ACTRT2: variants seen among roughly 807,000 people sequenced by gnomAD.
The protein encoded by ACTRT2 is actin related protein T2, also known as actin-related protein T2.
ACTRT2 carries 1 observed loss-of-function variant against 1.2 expected under a neutral mutation model. The observed-to-expected ratio is 0.80, with a 90% CI of 0.29 to 3.81. The LOEUF (loss-of-function observed/expected upper bound fraction) is 3.81. Among genes scored for constraint, ACTRT2 ranks in the 30% most tolerant of loss-of-function variants. ACTRT2 has a pLI of 0.18. For synonymous variants in ACTRT2, 262 were observed against 228.9 expected (o/e 1.14, Z -1.30); for missense variants, 488 against 497.9 (o/e 0.98, Z 0.19).
rs746113105 is a variant in ACTRT2, at chr1:3,021,669, G to A, written c.-18G>A. On this transcript the variant is annotated 5_prime_UTR_variant, in exon 1 of 1. Transcript: ENST00000378404. ...CTGGTCTTTATTTTGATGAGGCTGA[G>A]AAGGGAAGGCTGCGGGCATGTTTAA... 2 of 1,598,130 alleles carry A rather than the reference G, an allele frequency of 1.3e-6. No homozygotes were observed. The highest frequency in any genetic ancestry group is 1.1e-5 in the South Asian group (1 of 88,988).
rs1411922269 is a variant in ACTRT2 at position 3,022,485 on chromosome 1, C to T, written c.799C>T (p.Gln267Ter). ...HQAPEALFVP[Q>*]QLGSQSPGLS... ...GGCGCCCGAGGCCCTGTTCGTGCCC[C>T]AGCAGCTGGGCAGCCAGAGCCCCGG... is the stretch of plus-strand genomic sequence containing the variant. Residue 267 changes from glutamine to a stop codon, truncating the protein, a stop_gained, in exon 1 of 1, where the codon CAG (glutamine) becomes TAG (stop). Coordinates refer to ENST00000378404, the MANE Select transcript of ACTRT2 (RefSeq NM_080431.5). LOFTEE classifies it low-confidence loss of function (END_TRUNC). The surrounding 1 kb of genome is among the most constrained non-coding windows in gnomAD (Gnocchi z 7.7). 6.2e-7 allele frequency: 1 copy of T among 1,612,938 alleles called. No individual in the cohort carries two copies. The highest frequency in any genetic ancestry group is 1.7e-5 in the Admixed American group (1 of 60,030).
Position 3,022,145 on chromosome 1 carries a change from G to A in ACTRT2, c.459G>A (p.Thr153=), listed in dbSNP as rs773702915. 1.4e-5 allele frequency: 22 copies of A among 1,613,072 alleles called. No individual in the cohort carries two copies. Among genetic ancestry groups the A allele is most frequent in the Admixed American group, 1.7e-5 (1 of 60,006 alleles). The change falls in exon 1 of 1, where the codon ACG becomes ACA. Residue 153 remains threonine, a synonymous_variant. Transcript: ENST00000378404. The surrounding 1 kb of genome is among the most constrained non-coding windows in gnomAD (Gnocchi z 7.7). The part of the protein sequence containing the change: ...VLALYASACV[T]GLVVDSGDAV... ...CTCTCTACGCCTCTGCCTGTGTCACGGGCCTGGTGGTGGACAGCGGGGATG... is the reference window on the plus strand; with the variant it reads ...CTCTCTACGCCTCTGCCTGTGTCACAGGCCTGGTGGTGGACAGCGGGGATG...
Position 3,021,873 on chromosome 1 carries a change from C to T in ACTRT2, c.187C>T (p.Leu63=). The T allele has an allele frequency of 1.2e-6, 2 of 1,613,342 alleles. No homozygotes were observed. The highest frequency in any genetic ancestry group is 1.7e-6 in the Non-Finnish European group (2 of 1,179,988). ...QKKYFVGEEA[L]YKQEALQLHS... ...GAAGTACTTTGTGGGGGAGGAGGCCCTGTACAAGCAGGAGGCCCTGCAGCT... is the reference window on the plus strand; with the variant it reads ...GAAGTACTTTGTGGGGGAGGAGGCCTTGTACAAGCAGGAGGCCCTGCAGCT... The change falls in exon 1 of 1, where the codon CTG becomes TTG. Residue 63 remains leucine (L), a synonymous_variant. Coordinates refer to ENST00000378404, the MANE Select transcript of ACTRT2 (RefSeq NM_080431.5).
chr1:3,022,508 C>G lies in ACTRT2; in HGVS notation c.822C>G (p.Pro274=). ...FVPQQLGSQS[P]GLSNMVSSSI... ...CCCAGCAGCTGGGCAGCCAGAGCCC[C>G]GGGCTCTCGAATATGGTCTCCAGCA... Residue 274 remains proline (P), a synonymous_variant, in exon 1 of 1, where the codon CCC becomes CCG. Transcript: ENST00000378404. The surrounding 1 kb of genome is among the most constrained non-coding windows in gnomAD (Gnocchi z 7.7). The G allele has an allele frequency of 1.2e-6, 2 of 1,612,890 alleles. No homozygotes were observed. The highest frequency in any genetic ancestry group is 1.1e-5 in the South Asian group (1 of 91,076).
In ACTRT2 at chr1:3,021,528, C is replaced by A; in HGVS notation, c.-159C>A. On this transcript the variant is annotated 5_prime_UTR_variant, in exon 1 of 1. It adds an upstream start codon to the 5' untranslated region. Coordinates refer to ENST00000378404, the MANE Select transcript of ACTRT2 (RefSeq NM_080431.5). ...CAGGCCACCTGGAGGGAGAGCAGAC[C>A]TGCGGCTGAGGATGCAGGGCTCCCG... is the stretch of plus-strand genomic sequence containing the variant. 2 of 1,029,928 alleles carry A rather than the reference C, an allele frequency of 1.9e-6. No individual in the cohort carries two copies. Among genetic ancestry groups the A allele is most frequent in the Non-Finnish European group, 2.8e-6 (2 of 717,228 alleles). The allele number at this position is 1,029,928 out of a possible 1,614,324, so 63.8% of individuals were successfully genotyped here.
Position 3,022,451 on chromosome 1 carries a change from G to A in ACTRT2, c.765G>A (p.Pro255=), listed in dbSNP as rs145991951. ...GGAACATCATCAGCCTCGGGGACCC[G>A]CTGCACCAGGCGCCCGAGGCCCTGT... ...PDGNIISLGD[P]LHQAPEALFV... Residue 255 remains proline (P), a synonymous_variant, in exon 1 of 1, where the codon CCG becomes CCA. Transcript: ENST00000378404. The surrounding 1 kb of genome is among the most constrained non-coding windows in gnomAD (Gnocchi z 7.7). 3.1e-5 allele frequency: 50 copies of A among 1,612,698 alleles called. No individual in the cohort carries two copies. The highest frequency in any genetic ancestry group is 3.3e-4 in the Middle Eastern group (2 of 6,078).
rs201852006 is a variant in ACTRT2 at position 3,021,712 on chromosome 1, C to A, written c.26C>A (p.Ser9Tyr). The A allele has an allele frequency of 6.2e-7, 1 of 1,613,768 alleles. No individual in the cohort carries two copies. Among genetic ancestry groups the A allele is most frequent in the East Asian group, 2.2e-5 (1 of 44,874 alleles). The change falls in exon 1 of 1, where the codon TCC (serine) becomes TAC (tyrosine). Residue 9 changes from serine (S) to tyrosine (Y), a missense_variant. Coordinates refer to ENST00000378404, the MANE Select transcript of ACTRT2 (RefSeq NM_080431.5). MFNPHALDSPAVIFDNGSG... is the reference protein window; with the variant it reads MFNPHALDYPAVIFDNGSG... The stretch of plus-strand genomic sequence containing the variant: ...ATGTTTAATCCGCACGCTTTAGACT[C>A]CCCGGCTGTGATTTTTGACAATGGC...
chr1:3,022,842 C>A lies in ACTRT2; in HGVS notation c.*22C>A. ...CTGAAGGCCGCTTCTCGTTGGGTAC[C>A]GTGGGGGGTGAACCCTAGCCCCAGC... On this transcript the variant is annotated 3_prime_UTR_variant, in exon 1 of 1. Coordinates refer to ENST00000378404, the MANE Select transcript of ACTRT2 (RefSeq NM_080431.5). The surrounding 1 kb of genome is among the most constrained non-coding windows in gnomAD (Gnocchi z 7.7). The A allele has an allele frequency of 6.3e-7, 1 of 1,589,034 alleles. No homozygotes were observed. Among genetic ancestry groups the A allele is most frequent in the African/African-American group, 1.3e-5 (1 of 74,322 alleles).
In ACTRT2 at chr1:3,022,097, C is replaced by T. The variant is rs1253877407; in HGVS notation, c.411C>T (p.Tyr137=). Residue 137 remains tyrosine, a synonymous_variant, in exon 1 of 1, where the codon TAC becomes TAT. Coordinates refer to ENST00000378404, the MANE Select transcript of ACTRT2 (RefSeq NM_080431.5). This position sits in a 1 kb window ranked among gnomAD's most constrained non-coding sequence, Gnocchi z 7.7. ...AGAACTTCGGCGTGCCCGCTTTCTACCTGTCGGACCAGGCGGTGCTGGCTC... is the reference window on the plus strand; with the variant it reads ...AGAACTTCGGCGTGCCCGCTTTCTATCTGTCGGACCAGGCGGTGCTGGCTC... ...MFENFGVPAF[Y]LSDQAVLALY... 1 of 1,613,430 alleles carries T rather than the reference C, an allele frequency of 6.2e-7. No individual in the cohort carries two copies. Among genetic ancestry groups the T allele is most frequent in the East Asian group, 2.2e-5 (1 of 44,874 alleles).
chr1:3,022,768 C>T lies in ACTRT2; in HGVS notation c.1082C>T (p.Ala361Val), dbSNP rs774253232. The change falls in exon 1 of 1, where the codon GCC becomes GTC. Residue 361 changes from alanine to valine, a missense_variant. Coordinates refer to ENST00000378404, the MANE Select transcript of ACTRT2 (RefSeq NM_080431.5). This position sits in a 1 kb window ranked among gnomAD's most constrained non-coding sequence, Gnocchi z 7.7. ...AGCTTCAAGCAGATGTGGGTCACCG[C>T]CGCAGACTTCAAGGAGTTTGGGACC... Reference protein sequence around the residue: ...LSSFKQMWVTAADFKEFGTSV... With the variant: ...LSSFKQMWVTVADFKEFGTSV... 6.2e-7 allele frequency: 1 copy of T among 1,613,862 alleles called. No homozygotes were observed. The highest frequency in any genetic ancestry group is 8.5e-7 in the Non-Finnish European group (1 of 1,179,986).
Position 3,022,691 on chromosome 1 carries a change from C to T in ACTRT2, c.1005C>T (p.Pro335=), listed in dbSNP as rs145557114. The T allele has an allele frequency of 4.6e-5, 74 of 1,613,324 alleles. No individual in the cohort carries two copies. Among genetic ancestry groups the T allele is most frequent in the African/African-American group, 6.7e-5 (5 of 74,910 alleles). ...KDTPIKITAP[P]DRWFSTWIGA... The stretch of plus-strand genomic sequence containing the variant: ...CCCCCATCAAGATCACGGCTCCCCC[C>T]GACCGGTGGTTCTCCACCTGGATTG... The change falls in exon 1 of 1, where the codon CCC becomes CCT. Residue 335 remains proline (P), a synonymous_variant. Transcript: ENST00000378404. This position sits in a 1 kb window ranked among gnomAD's most constrained non-coding sequence, Gnocchi z 7.7.
Position 3,022,456 on chromosome 1 carries a change from A to T in ACTRT2, c.770A>T (p.His257Leu). Residue 257 changes from histidine to leucine, a missense_variant, in exon 1 of 1, where the codon CAC becomes CTC. Coordinates refer to ENST00000378404, the MANE Select transcript of ACTRT2 (RefSeq NM_080431.5). This position sits in a 1 kb window ranked among gnomAD's most constrained non-coding sequence, Gnocchi z 7.7. ...ATCATCAGCCTCGGGGACCCGCTGC[A>T]CCAGGCGCCCGAGGCCCTGTTCGTG... ...GNIISLGDPL[H>L]QAPEALFVPQ... The T allele has an allele frequency of 6.2e-7, 1 of 1,612,796 alleles. No individual in the cohort carries two copies. The highest frequency in any genetic ancestry group is 8.5e-7 in the Non-Finnish European group (1 of 1,179,980).
In ACTRT2 at chr1:3,022,811, A is replaced by G; in HGVS notation, c.1125A>G (p.Arg375=). 1 of 1,605,762 alleles carries G rather than the reference A, an allele frequency of 6.2e-7. No homozygotes were observed. The change falls in exon 1 of 1, where the codon AGA becomes AGG. Residue 375 remains arginine, a synonymous_variant. Transcript: ENST00000378404. This position sits in a 1 kb window ranked among gnomAD's most constrained non-coding sequence, Gnocchi z 7.7. ...TTGGGACCTCCGTGGTGCAGAGAAG[A>G]TGCTTCTGAAGGCCGCTTCTCGTTG... The part of the protein sequence containing the change: ...KEFGTSVVQR[R]CF
In ACTRT2 at chr1:3,022,096, A is replaced by G; in HGVS notation, c.410A>G (p.Tyr137Cys). 6.2e-7 allele frequency: 1 copy of G among 1,613,352 alleles called. No individual in the cohort carries two copies. The highest frequency in any genetic ancestry group is 8.5e-7 in the Non-Finnish European group (1 of 1,180,018). The stretch of plus-strand genomic sequence containing the variant: ...GAGAACTTCGGCGTGCCCGCTTTCT[A>G]CCTGTCGGACCAGGCGGTGCTGGCT... The part of the protein sequence containing the change: ...MFENFGVPAF[Y>C]LSDQAVLALY... Residue 137 changes from tyrosine (Y) to cysteine (C), a missense_variant, in exon 1 of 1, where the codon TAC (tyrosine) becomes TGC (cysteine). Transcript: ENST00000378404. The surrounding 1 kb of genome is among the most constrained non-coding windows in gnomAD (Gnocchi z 7.7).
In ACTRT2 at chr1:3,022,522, T is replaced by C. The variant is rs1045145089; in HGVS notation, c.836T>C (p.Met279Thr). ...AGCCAGAGCCCCGGGCTCTCGAATA[T>C]GGTCTCCAGCAGCATCACCAAGTGT... ...LGSQSPGLSN[M>T]VSSSITKCDT... is the part of the protein sequence containing the mutation. Residue 279 changes from methionine (M) to threonine (T), a missense_variant, in exon 1 of 1, where the codon ATG (methionine) becomes ACG (threonine). Physicochemically the swap from Met to Thr is moderately conservative, Grantham distance 81. Coordinates refer to ENST00000378404, the MANE Select transcript of ACTRT2 (RefSeq NM_080431.5). The surrounding 1 kb of genome is among the most constrained non-coding windows in gnomAD (Gnocchi z 7.7). 3.7e-6 allele frequency: 6 copies of C among 1,612,770 alleles called. No individual in the cohort carries two copies. The highest frequency in any genetic ancestry group is 4.5e-5 in the East Asian group (2 of 44,842).
At position 3,021,505 on chromosome 1, in the gene ACTRT2, G is replaced by A; in HGVS notation, c.-182G>A. The A allele has an allele frequency of 1.2e-6, 1 of 817,252 alleles. No homozygotes were observed. The highest frequency in any genetic ancestry group is 1.9e-6 in the Non-Finnish European group (1 of 536,028). The allele number at this position is 817,252 out of a possible 1,614,324, so 50.6% of individuals were successfully genotyped here. A position where few individuals can be genotyped will look rare whatever the true frequency, so the allele number is the denominator to read the frequency against. Reference sequence around the variant, plus strand: ...CCTGGAAGAGGCCTCAGCAGGCCCAGGCCACCTGGAGGGAGAGCAGACCTG... The same window carrying A: ...CCTGGAAGAGGCCTCAGCAGGCCCAAGCCACCTGGAGGGAGAGCAGACCTG... On this transcript the variant is annotated 5_prime_UTR_variant, in exon 1 of 1. Transcript: ENST00000378404.
chr1:3,022,480 T>TG lies in ACTRT2; in HGVS notation c.795dup (p.Pro266AlafsTer23). On this transcript the variant is annotated frameshift_variant, in exon 1 of 1. Coordinates refer to ENST00000378404, the MANE Select transcript of ACTRT2 (RefSeq NM_080431.5). LOFTEE classifies it low-confidence loss of function (END_TRUNC). This position sits in a 1 kb window ranked among gnomAD's most constrained non-coding sequence, Gnocchi z 7.7. ...CACCAGGCGCCCGAGGCCCTGTTCG[T>TG]GCCCCAGCAGCTGGGCAGCCAGAGC... is the stretch of plus-strand genomic sequence containing the variant. The TG allele has an allele frequency of 6.2e-7, 1 of 1,612,898 alleles. No homozygotes were observed. The highest frequency in any genetic ancestry group is 8.5e-7 in the Non-Finnish European group (1 of 1,180,024).
chr1:3,022,461 G>A lies in ACTRT2; in HGVS notation c.775G>A (p.Ala259Thr), dbSNP rs757415381. The change falls in exon 1 of 1, where the codon GCG becomes ACG. Residue 259 changes from alanine to threonine, a missense_variant. Coordinates refer to ENST00000378404, the MANE Select transcript of ACTRT2 (RefSeq NM_080431.5). This position sits in a 1 kb window ranked among gnomAD's most constrained non-coding sequence, Gnocchi z 7.7. ...CAGCCTCGGGGACCCGCTGCACCAG[G>A]CGCCCGAGGCCCTGTTCGTGCCCCA... ...IISLGDPLHQ[A>T]PEALFVPQQL... 1.2e-6 allele frequency: 2 copies of A among 1,612,848 alleles called. No homozygotes were observed. Among genetic ancestry groups the A allele is most frequent in the Admixed American group, 3.3e-5 (2 of 60,024 alleles).
In ACTRT2 at chr1:3,022,315, A is replaced by G. The variant is rs757917073; in HGVS notation, c.629A>G (p.Lys210Arg). 1.2e-5 allele frequency: 20 copies of G among 1,612,786 alleles called. No individual in the cohort carries two copies. Among genetic ancestry groups the G allele is most frequent in the Non-Finnish European group, 1.5e-5 (18 of 1,179,992 alleles). The change falls in exon 1 of 1, where the codon AAG becomes AGG. Residue 210 changes from lysine to arginine, a missense_variant. Transcript: ENST00000378404. The surrounding 1 kb of genome is among the most constrained non-coding windows in gnomAD (Gnocchi z 7.7). ...SGHTFPCQLD[K>R]GLVDDIKKKL... ...CACACCTTCCCCTGCCAGCTGGACA[A>G]GGGTCTCGTGGACGACATCAAAAAG...
Sources: gnomAD v4.1 joint callset for allele counts on GRCh38, gnomAD v4.1.1 for gene constraint, Gnocchi (gnomAD v3.1) non-coding constraint, MANE v1.5 for transcripts, NCBI Gene and HGNC (gene_info 2026-07-23, HGNC 2026-07-21) for gene names.